The following LAMA4 variants were observed in gnomAD, a reference collection of about 807,000 sequenced individuals.
The protein encoded by LAMA4 is laminin subunit alpha 4, also known as laminin subunit alpha-4.
In LAMA4, 127 loss-of-function variants were observed where a neutral mutation model predicts 207.1. The ratio of observed to expected loss-of-function variants is 0.61; its 90% CI spans 0.53 to 0.71. The LOEUF (loss-of-function observed/expected upper bound fraction) is 0.71, where lower values mean the gene tolerates loss of function less well. LAMA4 is among the 30% of genes least tolerant of loss of function. The pLI is 0.00. For missense variants in LAMA4, 2,093 were observed against 2,246.5 expected, an observed-to-expected ratio of 0.93 and a Z score of 1.38; for synonymous variants, 761 against 816.0, an observed-to-expected ratio of 0.93 and a Z score of 1.15.
At chr6:112,193,275 T>G (rs1214240286) in intron 5 of LAMA4, among the ~76,000 whole-genome samples, 1 of 152,040 alleles carries the variant, frequency 6.6e-6, no homozygotes, top group Non-Finnish European at 1.5e-5. Flanking sequence ...CAGGATGGAC[T>G]TCAGGCTGGA....
chr6:112,199,302 G>C (rs1783598520), intron 5 of LAMA4, among the ~76,000 whole-genome samples: 1 of 152,136 alleles, frequency 6.6e-6, no homozygotes, highest in Non-Finnish European at 1.5e-5. Context: ...CTTTGCATTT[G>C]GTCAGCAGGG....
chr6:112,116,365 C>T (rs1024927523), intron 35 of LAMA4, among the ~76,000 whole-genome samples: 4 of 152,122 alleles, frequency 2.6e-5, no homozygotes, highest in Non-Finnish European at 2.9e-5. Flanking sequence ...GGCTGGAATG[C>T]TTGGAGAGCA....
intron 4 of LAMA4, among the ~76,000 whole-genome samples, chr6:112,206,743 A>G (rs772374885): frequency 1.2e-4 from 18 of 152,194 alleles, no homozygotes; most frequent in Non-Finnish European, 2.2e-4. Context: ...AAAAGATGAG[A>G]CTATCCTTGC....
intron 25 of LAMA4, among the ~76,000 whole-genome samples, chr6:112,134,916 A>G (rs1474054501): frequency 3.7e-5 from 4 of 107,602 alleles, no homozygotes; most frequent in Admixed American, 9.0e-5. Flanking sequence ...GGAAAGAACT[A>G]TAAACAGGTG....
intron 2 of LAMA4, among the ~76,000 whole-genome samples, chr6:112,246,980 A>G (rs1786995242): frequency 6.6e-6 from 1 of 152,248 alleles, no homozygotes; most frequent in Non-Finnish European, 1.5e-5. Flanking sequence ...TTGGATAATC[A>G]GCAAATTTTA....
At chr6:112,141,539 AATTC>A (rs782333026) in intron 20 of LAMA4, 36 bp from the exon 21 acceptor site, 4 of 1,443,086 alleles carry the variant, frequency 2.8e-6, no homozygotes, top group Non-Finnish European at 3.9e-6. Flanking sequence ...ATTTAAATAA[AATTC>A]ATAAGAATGA....
At chr6:112,114,509 G>T (rs1471616562) in intron 37 of LAMA4, among the ~76,000 whole-genome samples, 154 bp downstream of exon 37, 3 of 152,120 alleles carry the variant, frequency 2.0e-5, no homozygotes, top group Admixed American at 2.0e-4. Context: ...TGTGGATTCA[G>T]TATACACATA....
intron 3 of LAMA4, among the ~76,000 whole-genome samples, chr6:112,212,444 G>C (rs141596342): frequency 6.6e-6 from 1 of 151,994 alleles, no homozygotes; most frequent in South Asian, 2.1e-4. Context: ...GGATGGTCTC[G>C]AACACCTGAC....
chr6:112,143,284 C>CTT (rs61620762), intron 19 of LAMA4, among the ~76,000 whole-genome samples: 56 of 124,872 alleles, frequency 4.5e-4, no homozygotes, highest in South Asian at 2.0e-3. Context: ...AAAACTAATA[C>CTT]TTTTTTTTTT....
At chr6:112,182,217 A>G (rs1358749777) in intron 9 of LAMA4, among the ~76,000 whole-genome samples, 4 of 152,126 alleles carry the variant, frequency 2.6e-5, no homozygotes, top group Non-Finnish European at 5.9e-5. Context: ...TGGTTCCAGG[A>G]CCCCACAGAT....
At chr6:112,243,179 G>T (rs1023592052) in intron 2 of LAMA4, among the ~76,000 whole-genome samples, 53 of 152,180 alleles carry the variant, frequency 3.5e-4, no homozygotes, top group Non-Finnish European at 5.0e-4. Context: ...AAGCCTCATT[G>T]TTGTGTCACC....
Position 112,114,866 on chromosome 6 carries a change from A to G in LAMA4, c.5113-110T>C, listed in dbSNP as rs587680400. The G allele has an allele frequency of 5.6e-4, 452 of 804,468 alleles. 1 individual carries two copies. The highest frequency in any genetic ancestry group is 8.3e-4 in the Non-Finnish European group (397 of 477,140). The allele number at this position is 804,468 out of a possible 1,614,324, so 49.8% of individuals were successfully genotyped here. On this transcript the variant is annotated intron_variant, in intron 36 of 38. Transcript: ENST00000230538. ...GCAATACTTCAACAAATATTCACAC[A>G]TGATTAGCTTTGCAATTTGAACACA...
chr6:112,192,820 C>T (rs2114970234), intron 5 of LAMA4, among the ~76,000 whole-genome samples: 1 of 152,332 alleles, frequency 6.6e-6, no homozygotes, highest in Non-Finnish European at 1.5e-5. Flanking sequence ...AGTGGTGGGC[C>T]TGTAGGCCCC....
intron 8 of LAMA4, 104 bp from the exon 9 acceptor site, chr6:112,185,451 C>T (rs1310050952): frequency 1.1e-5 from 8 of 755,814 alleles, no homozygotes; most frequent in Non-Finnish European, 1.9e-5. Context: ...GAGTGTGAGG[C>T]TCTTTTCTCA....
At position 112,133,484 on chromosome 6, in the gene LAMA4, G is replaced by A. The variant is rs782306969; in HGVS notation, c.3561C>T (p.Ala1187=). The change falls in exon 27 of 39, where the codon GCC becomes GCT. Residue 1187 remains alanine, a synonymous_variant. Coordinates refer to ENST00000230538, the MANE Select transcript of LAMA4 (RefSeq NM_001105206.3). ...TATCTAGGGGAAGGTGTGCTCTGAGGGCCCTGGAAAAGAAAGTCAGCCTCA... is the reference window on the plus strand; with the variant it reads ...TATCTAGGGGAAGGTGTGCTCTGAGAGCCCTGGAAAAGAAAGTCAGCCTCA... The part of the protein sequence containing the change: ...GAPPEILQSR[A]LRAHLPLDIN... 6 of 1,613,380 alleles carry A rather than the reference G, an allele frequency of 3.7e-6. No homozygotes were observed. In the African/African-American group the frequency reaches 4.0e-5, roughly 11 times the overall value.
At chr6:112,129,682 G>C (rs544476855) in intron 30 of LAMA4, among the ~76,000 whole-genome samples, 194 bp downstream of exon 30, 1 of 152,136 alleles carries the variant, frequency 6.6e-6, no homozygotes, top group African/African-American at 2.4e-5. Flanking sequence ...CTTAGTCAAG[G>C]TCATATGGAA....
rs552323416 is a variant in LAMA4, at chr6:112,200,292, C to G, written c.503+1316G>C. 10 of 408,230 alleles carry G rather than the reference C, an allele frequency of 2.4e-5. No homozygotes were observed. The East Asian group carries it at 6.3e-4, about 26-fold the overall frequency. The allele number at this position is 408,230 out of a possible 1,614,324, so 25.3% of individuals were successfully genotyped here. On this transcript the variant is annotated intron_variant, in intron 5 of 38. Transcript: ENST00000230538. The stretch of plus-strand genomic sequence containing the variant: ...AAACATATGAAAAAAAGCTCATCAT[C>G]ACTGGTCATTAGAGAAATGCAAATC...
At chr6:112,210,508 C>G (rs782223503) in intron 3 of LAMA4, among the ~76,000 whole-genome samples, 1 of 152,130 alleles carries the variant, frequency 6.6e-6, no homozygotes, top group Non-Finnish European at 1.5e-5. Flanking sequence ...AATGATATCT[C>G]TCATGTGCTT....
At chr6:112,232,227 G>A (rs1427274032) in intron 2 of LAMA4, among the ~76,000 whole-genome samples, 3 of 152,108 alleles carry the variant, frequency 2.0e-5, no homozygotes, top group African/African-American at 4.8e-5. Context: ...TTACCATCCT[G>A]AACACTCAGC....
Sources: gnomAD v4.1 joint callset for allele counts (sites outside exome capture counted in the v4.1 genomes callset) on GRCh38, gnomAD v4.1.1 for gene constraint, MANE v1.5 for transcripts, NCBI Gene and HGNC (gene_info 2026-07-23, HGNC 2026-07-21) for gene names.